The following RNASEH2B variants were observed in gnomAD, a reference collection of about 807,000 sequenced individuals.
The protein encoded by RNASEH2B is Aicardi-Goutieres syndrome 2 protein.
RNASEH2B carries 36 observed loss-of-function variants against 45.0 expected under a neutral mutation model. That is an observed-to-expected ratio of 0.80 (90% CI 0.61 to 1.06). The LOEUF (loss-of-function observed/expected upper bound fraction) is 1.06. Ranked by LOEUF, RNASEH2B falls within the 50% of genes least tolerant of loss-of-function variation. The pLI is 0.00. For synonymous variants in RNASEH2B, 119 were observed against 125.7 expected, an observed-to-expected ratio of 0.95 and a Z score of 0.35; for missense variants, 361 against 360.3, an observed-to-expected ratio of 1.00 and a Z score of -0.02.
At chr13:50,942,706 C>G (rs559976847) in intron 5 of RNASEH2B, 9 of 152,428 alleles carry the variant, frequency 5.9e-5, no homozygotes, top group African/African-American at 2.2e-4. Context: ...AAAGATGCAC[C>G]CATGACACAG....
chr13:50,931,917 A>C (rs904445726), intron 4 of RNASEH2B, among the ~76,000 whole-genome samples: 2 of 151,580 alleles, frequency 1.3e-5, no homozygotes, highest in Non-Finnish European at 2.9e-5. Flanking sequence ...TGATTTGCTG[A>C]GTTATGCATA....
chr13:50,940,056 G>A (rs1265022349), intron 5 of RNASEH2B, among the ~76,000 whole-genome samples: 1 of 152,142 alleles, frequency 6.6e-6, no homozygotes, highest in East Asian at 1.9e-4. Context: ...TTACAACTCA[G>A]GAATTCTACT....
chr13:50,946,394 G>T (rs1951901139), intron 7 of RNASEH2B, among the ~76,000 whole-genome samples: 1 of 152,190 alleles, frequency 6.6e-6, no homozygotes, highest in South Asian at 2.1e-4. Context: ...AATCTGATTT[G>T]CAGGAATCTA....
At chr13:50,961,641 T>C (rs1197138921), downstream of RNASEH2B, among the ~76,000 whole-genome samples, 1 of 152,132 alleles carries the variant, frequency 6.6e-6, no homozygotes, top group African/African-American at 2.4e-5. Context: ...AAGAATGGTA[T>C]TTAGAAACCA....
chr13:50,956,987 A>G (rs1952059377), downstream of RNASEH2B, among the ~76,000 whole-genome samples: 1 of 151,398 alleles, frequency 6.6e-6, no homozygotes, highest in Admixed American at 6.6e-5. Flanking sequence ...TTTAGAAAAT[A>G]GAGAAAATAA....
chr13:50,943,982 TGATGGGATGGGACGGGACAGGACGG>T (rs1457133643), intron 6 of RNASEH2B, among the ~76,000 whole-genome samples: 36 of 146,796 alleles, frequency 2.5e-4, no homozygotes, highest in African/African-American at 8.1e-4. Context: ...AAACAGATTG[TGATGGGATGGGACGGGACAGGACGG>T]GATGGGATGG....
rs753627853 is a variant in RNASEH2B at position 50,956,523 on chromosome 13, A to G, written c.*49A>G. On this transcript the variant is annotated 3_prime_UTR_variant, in exon 11 of 11. Transcript: ENST00000336617. ...AAAATATTTGCTTTTTACATGTTTC[A>G]GTTTGTCCTTCCTGACTGTTAATGA... 3.8e-6 allele frequency: 6 copies of G among 1,562,120 alleles called. No individual in the cohort carries two copies. Among genetic ancestry groups the G allele is most frequent in the Admixed American group, 1.8e-5 (1 of 54,962 alleles).
intron 10 of RNASEH2B, 135 bp downstream of exon 10, chr13:50,954,120 C>G: frequency 1.8e-5 from 13 of 707,888 alleles, no homozygotes; most frequent in South Asian, 1.7e-4. Flanking sequence ...ATTTCTGTGA[C>G]TTAATAATTA....
chr13:50,926,247 A>C (rs971844771), intron 1 of RNASEH2B, among the ~76,000 whole-genome samples: 2 of 152,160 alleles, frequency 1.3e-5, no homozygotes, highest in Middle Eastern at 3.2e-3. Flanking sequence ...CTTGTAAAAT[A>C]TGTCTGCTCT....
chr13:50,949,731 G>C (rs1450057931), intron 9 of RNASEH2B, among the ~76,000 whole-genome samples: 1 of 152,032 alleles, frequency 6.6e-6, no homozygotes, highest in Non-Finnish European at 1.5e-5. Context: ...AAGAAGAGTT[G>C]GTTTTAGCAA....
chr13:50,928,285 G>A (rs1450793272), intron 2 of RNASEH2B: 1 of 152,198 alleles, frequency 6.6e-6, no homozygotes, highest in Non-Finnish European at 1.5e-5. Flanking sequence ...GGGCCACTGA[G>A]TAGTGCCTTG....
At chr13:50,966,252 G>A (rs2138043617) in intron 9 of RNASEH2B, among the ~76,000 whole-genome samples, 1 of 152,150 alleles carries the variant, frequency 6.6e-6, no homozygotes, top group South Asian at 2.1e-4. Flanking sequence ...CCCACATATG[G>A]CACAGATACA....
intron 9 of RNASEH2B, 91 bp from the exon 10 acceptor site, chr13:50,953,814 G>C (rs1018669360): frequency 4.8e-6 from 4 of 841,516 alleles, no homozygotes; most frequent in Non-Finnish European, 8.1e-6. Context: ...CCTCTGTAGA[G>C]GTCTAAATTA....
In RNASEH2B at chr13:50,956,476, A is replaced by G; in HGVS notation, c.*2A>G. 6.3e-7 allele frequency: 1 copy of G among 1,594,638 alleles called. No individual in the cohort carries two copies. The highest frequency in any genetic ancestry group is 8.6e-7 in the Non-Finnish European group (1 of 1,167,606). On this transcript the variant is annotated 3_prime_UTR_variant, in exon 11 of 11. Transcript: ENST00000336617. ...AAAAAAAAAATTGGAAAGGTTTGAA[A>G]CTTTGAAAATAAAATCTAGCAAAAA...
At chr13:50,933,315 C>A (rs1200785756) in intron 4 of RNASEH2B, among the ~76,000 whole-genome samples, 1 of 152,208 alleles carries the variant, frequency 6.6e-6, no homozygotes, top group African/African-American at 2.4e-5. Context: ...CTCTGGGCAC[C>A]TCCAGGGTGC....
At chr13:50,959,408 A>G (rs960654397), downstream of RNASEH2B, 4 of 151,798 alleles carry the variant, frequency 2.6e-5, no homozygotes, top group African/African-American at 9.7e-5. Flanking sequence ...ATTTAACCAG[A>G]CACTTTTATT....
At chr13:50,949,534 G>A (rs764862165) in intron 9 of RNASEH2B, 29 bp downstream of exon 9, 1 of 1,599,926 alleles carries the variant, frequency 6.3e-7, no homozygotes, top group Non-Finnish European at 8.6e-7. Context: ...GATATCTTTG[G>A]GGGACTTAGA....
At chr13:50,954,069 A>G in intron 10 of RNASEH2B, 84 bp downstream of exon 10, 1 of 832,280 alleles carries the variant, frequency 1.2e-6, no homozygotes, top group Non-Finnish European at 2.1e-6. Context: ...TGCACGCTTG[A>G]TTGTGATTAC....
chr13:50,913,605 G>A (rs1410302158), intron 1 of RNASEH2B, among the ~76,000 whole-genome samples: 1 of 152,142 alleles, frequency 6.6e-6, no homozygotes. Flanking sequence ...GTCCTGAGGT[G>A]AAACTGCACC....
Sources: gnomAD v4.1 joint callset for allele counts (sites outside exome capture counted in the v4.1 genomes callset) on GRCh38, gnomAD v4.1.1 for gene constraint, MANE v1.5 for transcripts, NCBI Gene and HGNC (gene_info 2026-07-23, HGNC 2026-07-21) for gene names.